EIF4E3: variants seen among roughly 807,000 people sequenced by gnomAD.
The protein encoded by EIF4E3 is eukaryotic translation initiation factor 4E family member 3.
EIF4E3 carries 26 observed loss-of-function variants against 31.7 expected under a neutral mutation model. The observed-to-expected ratio is 0.82, with a 90% CI of 0.60 to 1.14. The LOEUF (loss-of-function observed/expected upper bound fraction) is 1.14, where lower values mean the gene tolerates loss of function less well. EIF4E3 is among the 50% of genes most tolerant of loss of function. The pLI is 0.00. For synonymous variants in EIF4E3, 128 were observed against 107.7 expected (o/e 1.19, Z -1.17); for missense variants, 304 against 270.9 (o/e 1.12, Z -0.86).
At chr3:71,754,470 G>A, upstream of EIF4E3, 3 of 1,326,624 alleles carry the variant, frequency 2.3e-6, no homozygotes, top group South Asian at 1.9e-5. This position sits in a 1 kb window ranked among gnomAD's most constrained non-coding sequence, Gnocchi z 5.8. Flanking sequence ...GCCGTGCGCC[G>A]CCATGCTGGT....
At chr3:71,696,257 C>T (rs1559593307) in intron 4 of EIF4E3, among the ~76,000 whole-genome samples, 1 of 152,200 alleles carries the variant, frequency 6.6e-6, no homozygotes. Context: ...TACTACACCA[C>T]GTCTATAGAG....
In EIF4E3 at chr3:71,681,819, G is replaced by C. The variant is rs1047660626; in HGVS notation, c.*2863C>G. The C allele has an allele frequency of 6.6e-6, 1 of 152,126 alleles. No homozygotes were observed. Among genetic ancestry groups the C allele is most frequent in the Non-Finnish European group, 1.5e-5 (1 of 68,036 alleles). 9.4% of individuals were successfully genotyped at this position (152,126 alleles called of 1,614,324 possible). On this transcript the variant is annotated 3_prime_UTR_variant, in exon 7 of 7. Coordinates refer to ENST00000425534, the MANE Select transcript of EIF4E3 (RefSeq NM_001134651.2). Reference sequence around the variant, plus strand: ...GTGACTGTGTGCATGGTGTAGACATGGGCTAAACTCAAGAAGAGGGGTGAG... The same window carrying C: ...GTGACTGTGTGCATGGTGTAGACATCGGCTAAACTCAAGAAGAGGGGTGAG...
At chr3:71,736,253 C>T (rs1345054369) in intron 1 of EIF4E3, among the ~76,000 whole-genome samples, 1 of 152,144 alleles carries the variant, frequency 6.6e-6, no homozygotes, top group South Asian at 2.1e-4. Context: ...CAGTTTATTA[C>T]AAAACTAAAC....
downstream of EIF4E3, among the ~76,000 whole-genome samples, chr3:71,674,635 A>G (rs1376212613): frequency 6.6e-6 from 1 of 152,166 alleles, no homozygotes; most frequent in African/African-American, 2.4e-5. Context: ...CCACCTCAAC[A>G]CTGTTTGTTG....
intron 5 of EIF4E3, among the ~76,000 whole-genome samples, chr3:71,691,649 T>C (rs2049065155): frequency 6.6e-6 from 1 of 152,198 alleles, no homozygotes; most frequent in Non-Finnish European, 1.5e-5. Flanking sequence ...GCTTACTTTG[T>C]GAATATTTAT....
the EIF4E3 span, among the ~76,000 whole-genome samples, chr3:71,665,232 T>C: frequency 2.6e-5 from 4 of 152,320 alleles, no homozygotes; most frequent in Middle Eastern, 3.4e-3. Context: ...ATGGAATAAA[T>C]TGGGCTCTGA....
chr3:71,690,816 A>T (rs1014640156), intron 5 of EIF4E3, among the ~76,000 whole-genome samples: 1 of 152,202 alleles, frequency 6.6e-6, no homozygotes, highest in Admixed American at 6.5e-5. Context: ...AGAGCCAATG[A>T]CCATCTGTTA....
intron 1 of EIF4E3, among the ~76,000 whole-genome samples, chr3:71,716,791 T>C (rs146267829): frequency 7.4e-4 from 113 of 152,254 alleles, no homozygotes; most frequent in African/African-American, 2.6e-3. Flanking sequence ...CCTTAGTCAT[T>C]AGCCCAAACT....
chr3:71,710,976 T>C (rs549283823), intron 1 of EIF4E3, among the ~76,000 whole-genome samples: 11 of 152,368 alleles, frequency 7.2e-5, no homozygotes, highest in African/African-American at 2.6e-4. Context: ...AAGTCAACTC[T>C]GGTTTCATAT....
At chr3:71,753,908 C>A, upstream of EIF4E3, 8 of 957,720 alleles carry the variant, frequency 8.4e-6, no homozygotes, top group Non-Finnish European at 1.0e-5. Context: ...CCAGGAGGGG[C>A]CGGCCGGGAG....
chr3:71,707,249 C>T (rs1225069122), intron 2 of EIF4E3, among the ~76,000 whole-genome samples: 3 of 152,180 alleles, frequency 2.0e-5, no homozygotes, highest in Non-Finnish European at 4.4e-5. Flanking sequence ...TTATTTCCAT[C>T]TTACAGATGA....
At chr3:71,741,447 G>T (rs933457766) in intron 1 of EIF4E3, among the ~76,000 whole-genome samples, 1 of 152,120 alleles carries the variant, frequency 6.6e-6, no homozygotes, top group Admixed American at 6.5e-5. Flanking sequence ...TAATATAAAT[G>T]AGTCAGTTCA....
Position 71,677,990 on chromosome 3 carries a change from T to C in EIF4E3, c.*6692A>G, listed in dbSNP as rs1397637070. The C allele has an allele frequency of 2.0e-5, 3 of 152,164 alleles. No homozygotes were observed. The highest frequency in any genetic ancestry group is 6.5e-5 in the Admixed American group (1 of 15,276). 9.4% of individuals were successfully genotyped at this position (152,164 alleles called of 1,614,324 possible). A position where few individuals can be genotyped will look rare whatever the true frequency, so the allele number is the denominator to read the frequency against. On this transcript the variant is annotated 3_prime_UTR_variant, in exon 7 of 7. Transcript: ENST00000425534. Reference sequence around the variant, plus strand: ...GACCCAGATGAGCCCTATTATCAAATGTGTTCAACAGGGAAGTGTAAAAAT... The same window carrying C: ...GACCCAGATGAGCCCTATTATCAAACGTGTTCAACAGGGAAGTGTAAAAAT...
chr3:71,733,285 G>A (rs570746672), intron 1 of EIF4E3, among the ~76,000 whole-genome samples: 2 of 152,312 alleles, frequency 1.3e-5, no homozygotes, highest in Admixed American at 6.5e-5. Context: ...TCCCCACTAT[G>A]AGCTGATAAC....
chr3:71,684,544 T>A lies in EIF4E3; in HGVS notation c.*138A>T. 1 of 834,206 alleles carries A rather than the reference T, an allele frequency of 1.2e-6. No individual in the cohort carries two copies. The highest frequency in any genetic ancestry group is 1.8e-6 in the Non-Finnish European group (1 of 540,572). The allele number at this position is 834,206 out of a possible 1,614,324, so 51.7% of individuals were successfully genotyped here. On this transcript the variant is annotated 3_prime_UTR_variant, in exon 7 of 7. Transcript: ENST00000425534. ...CCCCACCTGCCACTTTGAGTCCTAA[T>A]TGCCCATCTGCAAGGACAGAAACCC...
At chr3:71,714,953 A>G (rs6807109) in intron 1 of EIF4E3, among the ~76,000 whole-genome samples, 46,496 of 152,112 alleles carry the variant, frequency 0.31, 7,295 homozygotes, top group East Asian at 0.46. Flanking sequence ...CACATACAGT[A>G]TATTGTCTTA....
chr3:71,707,274 A>C (rs928436420), intron 2 of EIF4E3, among the ~76,000 whole-genome samples: 1 of 152,220 alleles, frequency 6.6e-6, no homozygotes, highest in Non-Finnish European at 1.5e-5. Context: ...ACTGAGATTC[A>C]GACAGGTTAT....
chr3:71,667,488 A>G, the EIF4E3 span, among the ~76,000 whole-genome samples: 20 of 152,244 alleles, frequency 1.3e-4, no homozygotes, highest in Non-Finnish European at 1.5e-5. Context: ...ACATGATTGT[A>G]TAGTTAGAAA....
At chr3:71,746,545 T>C (rs924801666) in intron 1 of EIF4E3, among the ~76,000 whole-genome samples, 3 of 152,144 alleles carry the variant, frequency 2.0e-5, no homozygotes, top group African/African-American at 7.2e-5. Context: ...AATCACACCT[T>C]AAGAATCTGC....
Sources: gnomAD v4.1 joint callset for allele counts (sites outside exome capture counted in the v4.1 genomes callset) on GRCh38, gnomAD v4.1.1 for gene constraint, Gnocchi (gnomAD v3.1) non-coding constraint, MANE v1.5 for transcripts, NCBI Gene and HGNC (gene_info 2026-07-23, HGNC 2026-07-21) for gene names.